Variants in HIBADH observed in about 807,000 individuals in gnomAD.
HIBADH encodes 3-hydroxyisobutyrate dehydrogenase.
In HIBADH, 25 loss-of-function variants were observed where a neutral mutation model predicts 36.1. The ratio of observed to expected loss-of-function variants is 0.69; its 90% CI spans 0.50 to 0.97. The LOEUF is 0.97. Ranked by LOEUF, HIBADH falls within the 50% of genes least tolerant of loss-of-function variation. HIBADH has a pLI of 0.00. For missense variants in HIBADH, 421 were observed against 418.0 expected (o/e 1.01, Z -0.06); for synonymous variants, 160 against 149.5 (o/e 1.07, Z -0.51).
intron 4 of HIBADH, among the ~76,000 whole-genome samples, chr7:27,563,496 G>A (rs1784497235): frequency 1.3e-5 from 2 of 152,150 alleles, no homozygotes; most frequent in South Asian, 2.1e-4. Context: ...AAGTGGTTGT[G>A]CTATTTTGCA....
At chr7:27,538,483 C>T in intron 5 of HIBADH, 66 bp from the exon 6 acceptor site, 1 of 1,359,286 alleles carries the variant, frequency 7.4e-7, no homozygotes, top group Non-Finnish European at 1.0e-6. Flanking sequence ...GGACGTTTTT[C>T]CTTGCCCAAT....
At chr7:27,579,908 T>C (rs1226933080) in intron 4 of HIBADH, among the ~76,000 whole-genome samples, 1 of 152,238 alleles carries the variant, frequency 6.6e-6, no homozygotes, top group Admixed American at 6.5e-5. Flanking sequence ...ACTGGTTCTA[T>C]AACCTACTGC....
intron 4 of HIBADH, among the ~76,000 whole-genome samples, chr7:27,577,893 T>A (rs1389505872): frequency 6.6e-6 from 1 of 152,220 alleles, no homozygotes; most frequent in East Asian, 1.9e-4. Flanking sequence ...AGTAGCTGGA[T>A]AATGAGTTGT....
At chr7:27,660,751 G>C (rs1302080202) in intron 1 of HIBADH, among the ~76,000 whole-genome samples, 2 of 151,990 alleles carry the variant, frequency 1.3e-5, no homozygotes, top group African/African-American at 2.4e-5. Flanking sequence ...AAATTTATCA[G>C]AAATCTATAT....
Position 27,615,924 on chromosome 7 carries a change from T to C in HIBADH, c.484+13447A>G, listed in dbSNP as rs576585175. Among the ~76,000 whole-genome samples, 20 of 152,202 alleles carry C rather than the reference T, an allele frequency of 1.3e-4. No homozygotes were observed. In the South Asian group the frequency reaches 3.3e-3, roughly 25 times the overall value. Reference sequence around the variant, plus strand: ...TGAAGACCTTTCCAGTGAGACAAGATGTAGAAGTGAAAGACAGTGTGTCTA... The same window carrying C: ...TGAAGACCTTTCCAGTGAGACAAGACGTAGAAGTGAAAGACAGTGTGTCTA... On this transcript the variant is annotated intron_variant, in intron 4 of 7. Transcript: ENST00000265395.
At chr7:27,576,849 CTT>C (rs2128188794) in intron 4 of HIBADH, among the ~76,000 whole-genome samples, 1 of 152,220 alleles carries the variant, frequency 6.6e-6, no homozygotes, top group East Asian at 1.9e-4. Context: ...TAGAAACTGA[CTT>C]CACTAATTCT....
chr7:27,641,690 T>G lies in HIBADH; in HGVS notation c.252+7783A>C, dbSNP rs572563244. Among the ~76,000 whole-genome samples, 10 of 152,350 alleles carry G rather than the reference T, an allele frequency of 6.6e-5. No individual in the cohort carries two copies. In the East Asian group the frequency reaches 1.9e-3, roughly 29 times the overall value. On this transcript the variant is annotated intron_variant, in intron 2 of 7. Coordinates refer to ENST00000265395, the MANE Select transcript of HIBADH (RefSeq NM_152740.4). ...AAATTAATATTACCTTTTAAAGTAG[T>G]GCTCTTAGGAAATCACACTTGTTCT...
chr7:27,616,231 T>C (rs7788376), intron 4 of HIBADH, among the ~76,000 whole-genome samples: 43,447 of 151,964 alleles, frequency 0.29, 6,686 homozygotes, highest in Middle Eastern at 0.36. Flanking sequence ...AGACTGAGAA[T>C]TCACTCACTC....
At chr7:27,623,955 G>A (rs932951037) in intron 4 of HIBADH, among the ~76,000 whole-genome samples, 1 of 152,118 alleles carries the variant, frequency 6.6e-6, no homozygotes, top group Non-Finnish European at 1.5e-5. Context: ...ATGCCACCGT[G>A]GCCAGCCAAA....
intron 4 of HIBADH, among the ~76,000 whole-genome samples, chr7:27,579,578 C>T (rs1290464811): frequency 6.6e-6 from 1 of 152,212 alleles, no homozygotes; most frequent in Admixed American, 6.5e-5. Context: ...TTTCTATAAA[C>T]TGAATACTTA....
intron 4 of HIBADH, 78 bp from the exon 5 acceptor site, chr7:27,543,178 G>A (rs949939066): frequency 6.8e-7 from 1 of 1,478,944 alleles, no homozygotes; most frequent in Non-Finnish European, 9.2e-7. Flanking sequence ...TAAAATTAGA[G>A]AAACCAACTA....
chr7:27,657,724 T>C (rs1786333012), intron 1 of HIBADH, among the ~76,000 whole-genome samples: 1 of 152,150 alleles, frequency 6.6e-6, no homozygotes, highest in Non-Finnish European at 1.5e-5. Context: ...AAGTTATCTA[T>C]TGATGGTGAT....
At chr7:27,530,252 C>CTGGA (rs1783972020) in intron 7 of HIBADH, among the ~76,000 whole-genome samples, 1 of 151,898 alleles carries the variant, frequency 6.6e-6, no homozygotes, top group Admixed American at 6.6e-5. Context: ...GTTGCCCAGG[C>CTGGA]TGGAGTGCAA....
At chr7:27,553,850 T>C (rs1029868537) in intron 4 of HIBADH, among the ~76,000 whole-genome samples, 3 of 152,198 alleles carry the variant, frequency 2.0e-5, no homozygotes, top group Admixed American at 1.3e-4. Context: ...GTCATTTTTA[T>C]TTTTACTATT....
intron 4 of HIBADH, among the ~76,000 whole-genome samples, chr7:27,613,124 TTATA>T (rs1554298941): frequency 3.3e-4 from 36 of 109,480 alleles, no homozygotes; most frequent in Non-Finnish European, 5.2e-4. Context: ...ATAAATATAT[TTATA>T]TATATTTATA....
intron 4 of HIBADH, among the ~76,000 whole-genome samples, chr7:27,597,145 A>G (rs1021456531): frequency 7.9e-5 from 12 of 152,110 alleles, no homozygotes; most frequent in Admixed American, 7.2e-4. Flanking sequence ...TTAAAAAGAG[A>G]CAGCGTAGCA....
At chr7:27,527,917 C>CTTTTTTTTTT (rs1562609863) in intron 7 of HIBADH, among the ~76,000 whole-genome samples, 1,265 of 76,922 alleles carry the variant, frequency 0.016, 379 homozygotes, top group East Asian at 0.042. Flanking sequence ...CCACACCCAG[C>CTTTTTTTTTT]GTTTTTTTTT....
At chr7:27,626,104 GAA>G (rs70994672) in intron 4 of HIBADH, among the ~76,000 whole-genome samples, 6,539 of 72,210 alleles carry the variant, frequency 0.091, 127 homozygotes, top group African/African-American at 0.2. Flanking sequence ...CTCCGTCTCA[GAA>G]AAAAAAAAAA....
intron 4 of HIBADH, among the ~76,000 whole-genome samples, chr7:27,566,082 G>C (rs1784544177): frequency 6.6e-6 from 1 of 152,000 alleles, no homozygotes; most frequent in South Asian, 2.1e-4. Context: ...ATGTTGATCA[G>C]AATTTTTATG....
Sources: allele counts gnomAD v4.1 joint callset (sites outside exome capture counted in the v4.1 genomes callset), GRCh38; gene constraint gnomAD v4.1.1; transcripts MANE v1.5; gene names NCBI Gene and HGNC (gene_info 2026-07-23, HGNC 2026-07-21).